Variants in TNFSF4 observed in about 807,000 individuals in gnomAD.
TNFSF4 encodes TNF superfamily member 4.
Under a neutral mutation model 7.3 loss-of-function variants are expected in TNFSF4, and 4 were observed. The observed-to-expected ratio is 0.55, with a 90% CI of 0.27 to 1.25. The LOEUF (loss-of-function observed/expected upper bound fraction) is 1.25. Ranked by LOEUF, TNFSF4 falls within the 50% of genes most tolerant of loss-of-function variation. The probability of loss-of-function intolerance (pLI) is 0.12; values close to 1 mark genes in which losing one functional copy is unlikely to be tolerated. For synonymous variants in TNFSF4, 76 were observed against 83.7 expected (o/e 0.91, Z 0.50); for missense variants, 181 against 208.8 (o/e 0.87, Z 0.82).
At chr1:173,282,115 C>A in the TNFSF4 span, among the ~76,000 whole-genome samples, 2 of 152,100 alleles carry the variant, frequency 1.3e-5, no homozygotes. Flanking sequence ...GAAGTAAGTT[C>A]TAGCGTTTGA....
At chr1:173,244,677 A>C in the TNFSF4 span, among the ~76,000 whole-genome samples, 1 of 151,860 alleles carries the variant, frequency 6.6e-6, no homozygotes, top group African/African-American at 2.4e-5. Flanking sequence ...CAAAAAAAAA[A>C]CATAAACCCT....
chr1:173,411,080 C>T, the TNFSF4 span, among the ~76,000 whole-genome samples: 6 of 152,334 alleles, frequency 3.9e-5, no homozygotes, highest in East Asian at 3.9e-4. Context: ...GGCCGCTTGA[C>T]GTGTGTGGGC....
chr1:173,178,445 G>A, the TNFSF4 span, among the ~76,000 whole-genome samples: 67 of 152,232 alleles, frequency 4.4e-4, no homozygotes, highest in African/African-American at 1.6e-3. Context: ...GTGGTAGCTG[G>A]CGCCTGTAGT....
the TNFSF4 span, among the ~76,000 whole-genome samples, chr1:173,379,240 A>G: frequency 6.6e-6 from 1 of 152,178 alleles, no homozygotes; most frequent in Non-Finnish European, 1.5e-5. Context: ...AGCCGTCCCC[A>G]GTATGGATCC....
chr1:173,431,522 A>C, the TNFSF4 span, among the ~76,000 whole-genome samples: 4 of 152,362 alleles, frequency 2.6e-5, no homozygotes, highest in East Asian at 7.7e-4. Flanking sequence ...TCTCAACTGC[A>C]AAGTGCCAAT....
the TNFSF4 span, among the ~76,000 whole-genome samples, chr1:173,314,156 A>G: frequency 9.2e-5 from 14 of 152,266 alleles, no homozygotes; most frequent in African/African-American, 3.4e-4. Context: ...TCCATCTGTG[A>G]AATATGGCGA....
chr1:173,261,961 C>A, the TNFSF4 span, among the ~76,000 whole-genome samples: 1 of 152,126 alleles, frequency 6.6e-6, no homozygotes, highest in Non-Finnish European at 1.5e-5. Context: ...AAAGTAAGGA[C>A]TCCTCCCTAA....
chr1:173,318,177 C>T, the TNFSF4 span, among the ~76,000 whole-genome samples: 10,629 of 152,132 alleles, frequency 0.07, 421 homozygotes, highest in East Asian at 0.11. Flanking sequence ...TGGCTCATGC[C>T]TGTCTGTAAT....
chr1:173,364,269 C>T, the TNFSF4 span, among the ~76,000 whole-genome samples: 1 of 145,324 alleles, frequency 6.9e-6, no homozygotes, highest in African/African-American at 2.5e-5. Flanking sequence ...GGGTTCATAA[C>T]ATATTGTTCA....
At chr1:173,447,546 C>T in the TNFSF4 span, among the ~76,000 whole-genome samples, 1 of 151,998 alleles carries the variant, frequency 6.6e-6, no homozygotes, top group African/African-American at 2.4e-5. Context: ...GAACCCACAA[C>T]TGCTCTAAAA....
At chr1:173,280,657 A>G in the TNFSF4 span, among the ~76,000 whole-genome samples, 2 of 152,124 alleles carry the variant, frequency 1.3e-5, no homozygotes, top group Non-Finnish European at 2.9e-5. Flanking sequence ...AGCTTTCACT[A>G]TGGAAGCTTG....
the TNFSF4 span, among the ~76,000 whole-genome samples, chr1:173,318,340 A>C: frequency 6.6e-6 from 1 of 152,194 alleles, no homozygotes; most frequent in Admixed American, 6.6e-5. Flanking sequence ...CATATACTAT[A>C]AAATCTCCTA....
the TNFSF4 span, among the ~76,000 whole-genome samples, chr1:173,228,962 C>A: frequency 6.6e-6 from 1 of 152,136 alleles, no homozygotes; most frequent in African/African-American, 2.4e-5. Flanking sequence ...GACTGGTGTA[C>A]CTGAAAGTGA....
At chr1:173,368,899 T>C in the TNFSF4 span, among the ~76,000 whole-genome samples, 1 of 152,180 alleles carries the variant, frequency 6.6e-6, no homozygotes, top group Non-Finnish European at 1.5e-5. Flanking sequence ...GGCGCTCTTC[T>C]AGTTTATCCT....
intron 1 of TNFSF4, among the ~76,000 whole-genome samples, chr1:173,194,880 CAAAAAAAAA>C (rs11406483): frequency 9.4e-5 from 7 of 74,328 alleles, no homozygotes; most frequent in African/African-American, 3.5e-4. Context: ...GAACTTGTCT[CAAAAAAAAA>C]AAAAAAAAAA....
At chr1:173,386,636 G>A in the TNFSF4 span, among the ~76,000 whole-genome samples, 1 of 152,160 alleles carries the variant, frequency 6.6e-6, no homozygotes, top group Non-Finnish European at 1.5e-5. Context: ...GTGGGATCAG[G>A]GCTGCCCTTG....
At chr1:173,298,047 C>T in the TNFSF4 span, among the ~76,000 whole-genome samples, 4 of 151,914 alleles carry the variant, frequency 2.6e-5, no homozygotes, top group African/African-American at 9.7e-5. Context: ...GAAGGCTGAT[C>T]ACTTACTTTC....
At chr1:173,382,578 A>T in the TNFSF4 span, among the ~76,000 whole-genome samples, 14 of 152,344 alleles carry the variant, frequency 9.2e-5, no homozygotes, top group South Asian at 2.1e-4. Flanking sequence ...ATAATTTTTT[A>T]AAAATACCAT....
rs1433265491 is a variant in TNFSF4, at chr1:173,186,720, G to T, written c.348C>A (p.Ser116Arg). 30 of 1,614,118 alleles carry T rather than the reference G, an allele frequency of 1.9e-5. No homozygotes were observed. The highest frequency in any genetic ancestry group is 2.5e-5 in the Non-Finnish European group (30 of 1,180,010). Residue 116 changes from serine (S) to arginine (R), a missense_variant, in exon 3 of 3, where the codon AGC (serine) becomes AGA (arginine). By Grantham distance (110) the Ser-to-Arg change is moderately radical. Transcript: ENST00000281834. ...KGYFSQEVNI[S>R]LHYQKDEEPL... ...GCTCCTCATCCTTCTGGTAATGAAG[G>T]CTAATGTTGACTTCCTGGGAGAAGT... is the stretch of plus-strand genomic sequence containing the variant.
Sources: allele counts gnomAD v4.1 joint callset (sites outside exome capture counted in the v4.1 genomes callset), GRCh38; gene constraint gnomAD v4.1.1; transcripts MANE v1.5; gene names NCBI Gene and HGNC (gene_info 2026-07-23, HGNC 2026-07-21).